Variants in ERAP1 observed in about 807,000 individuals in gnomAD.
ERAP1 encodes endoplasmic reticulum aminopeptidase 1.
In ERAP1, 86 loss-of-function variants were observed where a neutral mutation model predicts 103.7. The ratio of observed to expected loss-of-function variants is 0.83; its 90% CI spans 0.70 to 0.99. ERAP1 has a LOEUF of 0.99. Ranked by LOEUF, ERAP1 falls within the 50% of genes least tolerant of loss-of-function variation. ERAP1 has a pLI of 0.00. For missense variants in ERAP1, 1,009 were observed against 1,128.4 expected (o/e 0.89, Z 1.52); for synonymous variants, 398 against 402.4 (o/e 0.99, Z 0.13).
At chr5:96,859,060 T>TACACACAC in the ERAP1 span, among the ~76,000 whole-genome samples, 1,293 of 144,802 alleles carry the variant, frequency 8.9e-3, 12 homozygotes, top group South Asian at 0.022. Context: ...GCCACATGCA[T>TACACACAC]ACACACACAC....
the ERAP1 span, among the ~76,000 whole-genome samples, chr5:96,818,979 G>A: frequency 1.3e-5 from 2 of 151,912 alleles, no homozygotes; most frequent in Non-Finnish European, 2.9e-5. Flanking sequence ...AGGCTGGAGT[G>A]CAATGGCATG....
At chr5:96,827,286 C>T in the ERAP1 span, among the ~76,000 whole-genome samples, 2 of 152,066 alleles carry the variant, frequency 1.3e-5, no homozygotes, top group South Asian at 4.2e-4. Context: ...TCTTTGTTTC[C>T]CTTTTAAAAA....
At chr5:96,794,544 A>G (rs1435363730) in intron 5 of ERAP1, among the ~76,000 whole-genome samples, 1 of 152,182 alleles carries the variant, frequency 6.6e-6, no homozygotes, top group Non-Finnish European at 1.5e-5. Context: ...TTGGAAATTG[A>G]AAAACTAAAC....
Position 96,782,937 on chromosome 5 carries a change from G to A in ERAP1, c.2285+114C>T, listed in dbSNP as rs1489916347. 3.0e-6 allele frequency: 3 copies of A among 1,000,394 alleles called. No homozygotes were observed. In the African/African-American group the frequency reaches 4.8e-5, roughly 16 times the overall value. 62.0% of individuals were successfully genotyped at this position (1,000,394 alleles called of 1,614,324 possible). A position where few individuals can be genotyped will look rare whatever the true frequency, so the allele number is the denominator to read the frequency against. On this transcript the variant is annotated intron_variant, in intron 15 of 18. Coordinates refer to ENST00000443439, the MANE Select transcript of ERAP1 (RefSeq NM_001040458.3). ...AAAAAGCAATTTATTTTCCAGAAAA[G>A]GGCAGCAGGGGAGACACTTAAACTT...
chr5:96,872,598 C>G, the ERAP1 span, among the ~76,000 whole-genome samples: 1 of 151,672 alleles, frequency 6.6e-6, no homozygotes, highest in Middle Eastern at 3.4e-3. Context: ...GACTCTGTCC[C>G]AAAAAACAAA....
chr5:96,768,178 G>A lies in ERAP1; in HGVS notation c.2819-4950C>T, dbSNP rs530021436. On this transcript the variant is annotated intron_variant, in intron 19 of 19. Transcript: ENST00000296754. ...AGCTTACTGCGATCTCTGCTTCCTG[G>A]GCTCAAGCAATCCTCCTACCTTAGC... Among the ~76,000 whole-genome samples the A allele has an allele frequency of 1.1e-4, 16 of 152,198 alleles. No homozygotes were observed. The South Asian group carries it at 2.9e-3, about 28-fold the overall frequency.
At chr5:96,773,693 A>ATATC (rs1267819070), downstream of ERAP1, 1 of 152,302 alleles carries the variant, frequency 6.6e-6, no homozygotes, top group Non-Finnish European at 1.5e-5. Flanking sequence ...TGGTTTTCTA[A>ATATC]TATCTTAATG....
At chr5:96,919,871 T>C in the ERAP1 span, among the ~76,000 whole-genome samples, 1 of 152,220 alleles carries the variant, frequency 6.6e-6, no homozygotes, top group Non-Finnish European at 1.5e-5. Flanking sequence ...GTGAACAGGT[T>C]TGACTTCTCT....
chr5:96,768,313 G>A lies in ERAP1; in HGVS notation c.2819-5085C>T, dbSNP rs184414514. On this transcript the variant is annotated intron_variant, in intron 19 of 19. Coordinates refer to the ERAP1 transcript ENST00000296754. ...TTGCCAGGCTGGTCTCGAGCTCTTGGGCTCAAGTGATCTGCCAACCTCTAC... is the reference window on the plus strand; with the variant it reads ...TTGCCAGGCTGGTCTCGAGCTCTTGAGCTCAAGTGATCTGCCAACCTCTAC... 6 of 413,152 alleles carry A rather than the reference G, an allele frequency of 1.5e-5. No homozygotes were observed. The Admixed American group carries it at 1.8e-4, about 12-fold the overall frequency. The allele number at this position is 413,152 out of a possible 1,614,324, so 25.6% of individuals were successfully genotyped here.
chr5:96,922,844 C>T, the ERAP1 span, among the ~76,000 whole-genome samples: 1 of 152,222 alleles, frequency 6.6e-6, no homozygotes, highest in South Asian at 2.1e-4. Flanking sequence ...AGTTATGCAA[C>T]TACTAATCAA....
chr5:96,830,428 C>T, the ERAP1 span, among the ~76,000 whole-genome samples: 1 of 152,114 alleles, frequency 6.6e-6, no homozygotes, highest in Non-Finnish European at 1.5e-5. Context: ...CACCAGGGAA[C>T]GTGAGCAAGG....
At chr5:96,837,803 C>T in the ERAP1 span, among the ~76,000 whole-genome samples, 2 of 152,176 alleles carry the variant, frequency 1.3e-5, no homozygotes, top group Middle Eastern at 6.8e-3. Flanking sequence ...ATGGTAAATG[C>T]GGGGGATTTT....
chr5:96,804,837 T>G (rs1459945804), intron 1 of ERAP1: 1 of 152,078 alleles, frequency 6.6e-6, no homozygotes, highest in Admixed American at 6.6e-5. Flanking sequence ...TCCTAATTAC[T>G]TGGGAGGCTG....
At chr5:96,890,573 G>A in the ERAP1 span, among the ~76,000 whole-genome samples, 1 of 152,194 alleles carries the variant, frequency 6.6e-6, no homozygotes, top group Non-Finnish European at 1.5e-5. Context: ...TGGGGTTTCT[G>A]ACAGTGACAA....
At chr5:96,832,633 T>C in the ERAP1 span, among the ~76,000 whole-genome samples, 2 of 152,254 alleles carry the variant, frequency 1.3e-5, no homozygotes, top group East Asian at 3.8e-4. Flanking sequence ...TTTATGACTT[T>C]TATCCTTGAA....
chr5:96,820,294 A>T, the ERAP1 span, among the ~76,000 whole-genome samples: 9 of 152,106 alleles, frequency 5.9e-5, no homozygotes, highest in Non-Finnish European at 1.3e-4. Flanking sequence ...AAAAAAAGAC[A>T]AATGAAAGAA....
chr5:96,776,609 C>T lies in ERAP1; in HGVS notation c.2671-58G>A. 5.0e-6 allele frequency: 8 copies of T among 1,589,842 alleles called. No individual in the cohort carries two copies. In the South Asian group the frequency reaches 7.9e-5, roughly 16 times the overall value. On this transcript the variant is annotated intron_variant, in intron 18 of 18. Coordinates refer to ENST00000443439, the MANE Select transcript of ERAP1 (RefSeq NM_001040458.3). ...ATTTTATCACATTAATCAGATGTAACTTTAGTTAAAACTGAAGCCAAAATT... is the reference window on the plus strand; with the variant it reads ...ATTTTATCACATTAATCAGATGTAATTTTAGTTAAAACTGAAGCCAAAATT...
the ERAP1 span, among the ~76,000 whole-genome samples, chr5:96,887,771 C>G: frequency 6.6e-6 from 1 of 152,092 alleles, no homozygotes; most frequent in South Asian, 2.1e-4. Context: ...ACTTCTTATC[C>G]CAAGAGACCA....
At chr5:96,859,181 G>A in the ERAP1 span, among the ~76,000 whole-genome samples, 1 of 151,842 alleles carries the variant, frequency 6.6e-6, no homozygotes, top group African/African-American at 2.4e-5. Context: ...TTAGTTGTCT[G>A]TGCAGTTTGT....
Sources: allele counts gnomAD v4.1 joint callset (sites outside exome capture counted in the v4.1 genomes callset), GRCh38; gene constraint gnomAD v4.1.1; transcripts MANE v1.5; gene names NCBI Gene and HGNC (gene_info 2026-07-23, HGNC 2026-07-21).